MET: variants seen among roughly 807,000 people sequenced by gnomAD.
MET encodes hepatocyte growth factor receptor.
Under a neutral mutation model 133.1 loss-of-function variants are expected in MET, and 48 were observed. The observed-to-expected ratio is 0.36, with a 90% CI of 0.29 to 0.46. MET has a LOEUF of 0.46. MET is among the 20% of genes least tolerant of loss of function. The pLI, the probability that MET is intolerant of heterozygous loss-of-function variation, is 1.00. For missense variants in MET, 1,442 were observed against 1,695.9 expected (o/e 0.85, Z 2.63); for synonymous variants, 628 against 616.5 (o/e 1.02, Z -0.28).
intron 2 of MET, among the ~76,000 whole-genome samples, chr7:116,729,969 C>T (rs776267715): frequency 2.4e-4 from 36 of 152,186 alleles, no homozygotes; most frequent in South Asian, 8.3e-4. Flanking sequence ...CTGATCGCAG[C>T]GAGCTGCTTG....
At position 116,740,092 on chromosome 7, in the gene MET, G is replaced by A. The variant is rs2116828679; in HGVS notation, c.1527+8G>A. ...GTTATCACTGGGAAGAAGGTAAGCTGTTCCCACAGGGAATTTCCATAGACG... is the reference window on the plus strand; with the variant it reads ...GTTATCACTGGGAAGAAGGTAAGCTATTCCCACAGGGAATTTCCATAGACG... On this transcript the variant is annotated splice_region_variant and intron_variant, in intron 4 of 20. Transcript: ENST00000397752. The A allele has an allele frequency of 1.9e-6, 3 of 1,613,962 alleles. No homozygotes were observed. Among genetic ancestry groups the A allele is most frequent in the East Asian group, 2.2e-5 (1 of 44,874 alleles).
At chr7:116,696,245 G>A (rs1286049811) in intron 1 of MET, among the ~76,000 whole-genome samples, 1 of 152,046 alleles carries the variant, frequency 6.6e-6, no homozygotes, top group Non-Finnish European at 1.5e-5. Context: ...CCCTTCCTCT[G>A]CATTCTGATA....
intron 2 of MET, among the ~76,000 whole-genome samples, chr7:116,730,434 G>A (rs1792959138): frequency 6.6e-6 from 1 of 152,146 alleles, no homozygotes; most frequent in African/African-American, 2.4e-5. Context: ...AATAGAGAGG[G>A]ATATGGTCAG....
At position 116,795,663 on chromosome 7, in the gene MET, T is replaced by C. The variant is rs1554402156; in HGVS notation, c.3807T>C (p.Phe1269=). The C allele has an allele frequency of 6.2e-7, 1 of 1,613,930 alleles. No homozygotes were observed. The highest frequency in any genetic ancestry group is 1.3e-5 in the African/African-American group (1 of 75,050). ...KFTTKSDVWS[F]GVLLWELMTR... The stretch of plus-strand genomic sequence containing the variant: ...GTTTCTTGTTTTACTAGTGGTCCTT[T>C]GGCGTGCTCCTCTGGGAGCTGATGA... The change falls in exon 20 of 21, where the codon TTT becomes TTC. Residue 1269 remains phenylalanine, a synonymous_variant. Coordinates refer to ENST00000397752, the MANE Select transcript of MET (RefSeq NM_000245.4).
chr7:116,789,070 A>T (rs1324579666), intron 19 of MET, among the ~76,000 whole-genome samples: 2 of 152,152 alleles, frequency 1.3e-5, no homozygotes, highest in Non-Finnish European at 2.9e-5. Flanking sequence ...GAAGTGTTTA[A>T]CATTATTGTA....
intron 6 of MET, among the ~76,000 whole-genome samples, chr7:116,756,275 A>G (rs1470581064): frequency 6.6e-6 from 1 of 152,104 alleles, no homozygotes; most frequent in Non-Finnish European, 1.5e-5. Flanking sequence ...CAGAGAATCC[A>G]GAAATTATTC....
intron 2 of MET, among the ~76,000 whole-genome samples, chr7:116,716,493 GAAAGAAAGAA>G (rs1000211667): frequency 6.8e-6 from 1 of 146,598 alleles, no homozygotes; most frequent in African/African-American, 2.6e-5. Flanking sequence ...AAGAAAGAAA[GAAAGAAAGAA>G]AGAAAGAAAG....
At chr7:116,716,469 GAAAGAAAGA>G (rs1562893257) in intron 2 of MET, among the ~76,000 whole-genome samples, 1 of 18,190 alleles carries the variant, frequency 5.5e-5, no homozygotes, top group Non-Finnish European at 1.1e-4. Context: ...GAAAGAAAGA[GAAAGAAAGA>G]AAGAAAGAAA....
intron 3 of MET, among the ~76,000 whole-genome samples, chr7:116,736,942 G>A (rs1793237277): frequency 6.6e-6 from 1 of 152,132 alleles, no homozygotes; most frequent in African/African-American, 2.4e-5. Context: ...CTAATTTCTG[G>A]CACACATTAC....
At chr7:116,748,166 C>G (rs1793768699) in intron 5 of MET, among the ~76,000 whole-genome samples, 1 of 152,212 alleles carries the variant, frequency 6.6e-6, no homozygotes, top group African/African-American at 2.4e-5. Flanking sequence ...ATGGTGTGAA[C>G]CCAGGAGGCG....
chr7:116,680,281 A>G (rs936331420), intron 1 of MET, among the ~76,000 whole-genome samples: 1 of 152,214 alleles, frequency 6.6e-6, no homozygotes, highest in African/African-American at 2.4e-5. Flanking sequence ...GTGGAACCAA[A>G]CCATCAGTAA....
intron 17 of MET, 140 bp downstream of exon 17, chr7:116,779,097 C>T: frequency 1.2e-6 from 1 of 852,768 alleles, no homozygotes; most frequent in Non-Finnish European, 1.8e-6. Context: ...AAATGCACCT[C>T]AAAGTCTTCT....
chr7:116,691,077 T>C (rs1487920418), intron 1 of MET, among the ~76,000 whole-genome samples: 2 of 152,214 alleles, frequency 1.3e-5, no homozygotes, highest in Non-Finnish European at 2.9e-5. Context: ...GCCATGGCTA[T>C]TTTTATGACT....
chr7:116,788,765 A>G (rs946706901), intron 19 of MET, among the ~76,000 whole-genome samples: 26 of 152,382 alleles, frequency 1.7e-4, no homozygotes, highest in Admixed American at 1.4e-3. Context: ...TTCCAAAAGC[A>G]TGCAATGAGC....
chr7:116,677,003 TTTTTG>T (rs796135481), intron 1 of MET, among the ~76,000 whole-genome samples: 16 of 151,966 alleles, frequency 1.1e-4, no homozygotes, highest in Admixed American at 2.0e-4. Flanking sequence ...TTTTTTTGTT[TTTTTG>T]TTTTGTTTTG....
At chr7:116,743,211 T>C (rs1793531667) in intron 5 of MET, among the ~76,000 whole-genome samples, 1 of 152,208 alleles carries the variant, frequency 6.6e-6, no homozygotes, top group African/African-American at 2.4e-5. Context: ...GCCCAGATAC[T>C]ACACTTCCCT....
At chr7:116,791,005 G>A (rs1795474408) in intron 19 of MET, among the ~76,000 whole-genome samples, 1 of 152,152 alleles carries the variant, frequency 6.6e-6, no homozygotes. Flanking sequence ...TTGAACCCTG[G>A]ATGCAGAGGT....
chr7:116,767,060 A>G (rs1436677870), intron 11 of MET, among the ~76,000 whole-genome samples: 1 of 152,060 alleles, frequency 6.6e-6, no homozygotes, highest in Non-Finnish European at 1.5e-5. Flanking sequence ...CCTACTGCTG[A>G]TCTCCCTGGA....
In MET at chr7:116,699,592, A is replaced by C. The variant is rs750102016; in HGVS notation, c.508A>C (p.Ser170Arg). The change falls in exon 2 of 21, where the codon AGC becomes CGC. Residue 170 changes from serine to arginine, a missense_variant. Coordinates refer to ENST00000397752, the MANE Select transcript of MET (RefSeq NM_000245.4). Reference protein sequence around the residue: ...CIFSPQIEEPSQCPDCVVSAL... With the variant: ...CIFSPQIEEPRQCPDCVVSAL... ...ATTCTCCCCACAGATAGAAGAGCCC[A>C]GCCAGTGTCCTGACTGTGTGGTGAG... The C allele has an allele frequency of 4.3e-6, 7 of 1,613,922 alleles. No homozygotes were observed. Among genetic ancestry groups the C allele is most frequent in the Non-Finnish European group, 5.9e-6 (7 of 1,179,968 alleles).
Sources: gnomAD v4.1 joint callset for allele counts (sites outside exome capture counted in the v4.1 genomes callset) on GRCh38, gnomAD v4.1.1 for gene constraint, MANE v1.5 for transcripts, NCBI Gene and HGNC (gene_info 2026-07-23, HGNC 2026-07-21) for gene names.